The following TMEM135 variants were observed in gnomAD, a reference collection of about 807,000 sequenced individuals.
TMEM135 encodes peroxisomal membrane protein 52.
In TMEM135, 30 loss-of-function variants were observed where a neutral mutation model predicts 60.3. The ratio of observed to expected loss-of-function variants is 0.50; its 90% CI spans 0.37 to 0.68. The LOEUF is 0.68. Ranked by LOEUF, TMEM135 falls within the 30% of genes least tolerant of loss-of-function variation. The pLI is 0.00. For synonymous variants in TMEM135, 190 were observed against 186.7 expected, an observed-to-expected ratio of 1.02 and a Z score of -0.14; for missense variants, 468 against 548.8, an observed-to-expected ratio of 0.85 and a Z score of 1.47.
At position 87,049,423 on chromosome 11, in the gene TMEM135, C is replaced by G. The variant is rs1361652180; in HGVS notation, c.141+11237C>G. Among the ~76,000 whole-genome samples, 2 of 88,644 alleles carry G rather than the reference C, an allele frequency of 2.3e-5. 1 individual carries two copies. Among genetic ancestry groups the G allele is most frequent in the African/African-American group, 1.2e-4 (2 of 17,164 alleles). The allele number at this position is 88,644 out of a possible 152,430, so 58.2% of individuals were successfully genotyped here. A position where few individuals can be genotyped will look rare whatever the true frequency, so the allele number is the denominator to read the frequency against. On this transcript the variant is annotated intron_variant, in intron 1 of 14. Coordinates refer to ENST00000305494, the MANE Select transcript of TMEM135 (RefSeq NM_022918.4). ...AGTGTGCTGTATTCAGGAAACCCAT[C>G]TCACATGCAGAGACACACATAGGCT...
chr11:87,292,803 C>T (rs1942289755), intron 6 of TMEM135, among the ~76,000 whole-genome samples: 1 of 152,208 alleles, frequency 6.6e-6, no homozygotes, highest in Non-Finnish European at 1.5e-5. Flanking sequence ...GTGCTTCCCA[C>T]AGAGTTCTGC....
chr11:87,259,277 C>A, intron 6 of TMEM135: 2 of 378,780 alleles, frequency 5.3e-6, no homozygotes, highest in African/African-American at 2.1e-5. Context: ...TAGGGGACAC[C>A]AGAAGTGGAA....
intron 4 of TMEM135, among the ~76,000 whole-genome samples, chr11:87,123,634 T>C (rs1428688753): frequency 6.6e-6 from 1 of 152,186 alleles, no homozygotes; most frequent in Non-Finnish European, 1.5e-5. Flanking sequence ...AAAATAATTG[T>C]TATTTTGTGG....
chr11:87,195,398 T>C (rs1939929459), intron 5 of TMEM135, among the ~76,000 whole-genome samples: 1 of 135,486 alleles, frequency 7.4e-6, no homozygotes, highest in Non-Finnish European at 1.6e-5. Flanking sequence ...TCCTTCTCTC[T>C]CTCTCTCTCT....
rs141575473 is a variant in TMEM135, at chr11:87,099,594, G to A, written c.396+8199G>A. The stretch of plus-strand genomic sequence containing the variant: ...GAACAAAGCTGCTATAAATATTCAT[G>A]TACAGATTTTCATGTTTTTATTGGT... On this transcript the variant is annotated intron_variant, in intron 4 of 14. Transcript: ENST00000305494. Among the ~76,000 whole-genome samples the A allele has an allele frequency of 4.9e-4, 73 of 150,358 alleles. No individual in the cohort carries two copies. The East Asian group carries it at 0.014, about 28-fold the overall frequency.
chr11:87,125,484 TA>T (rs1192126003), intron 4 of TMEM135, among the ~76,000 whole-genome samples: 1 of 152,196 alleles, frequency 6.6e-6, no homozygotes, highest in African/African-American at 2.4e-5. Flanking sequence ...GTGTAATGAA[TA>T]ATAAGTAAAC....
At chr11:87,038,247 A>T in intron 1 of TMEM135, 61 bp downstream of exon 1, 1 of 1,453,368 alleles carries the variant, frequency 6.9e-7, no homozygotes, top group Non-Finnish European at 9.2e-7. Context: ...CGGGGGCTGC[A>T]GTTGGTGCTC....
chr11:87,232,485 A>G (rs1455959832), intron 5 of TMEM135, among the ~76,000 whole-genome samples: 1 of 151,096 alleles, frequency 6.6e-6, no homozygotes, highest in South Asian at 2.1e-4. Flanking sequence ...GGCACATCAT[A>G]ACAAATTGTG....
At chr11:87,115,957 TA>T (rs1857868089) in intron 4 of TMEM135, among the ~76,000 whole-genome samples, 1 of 152,080 alleles carries the variant, frequency 6.6e-6, no homozygotes, top group African/African-American at 2.4e-5. Flanking sequence ...TGAAATAAAT[TA>T]AAAATATTAA....
chr11:87,042,090 G>GGGAC (rs1949754736), intron 1 of TMEM135, among the ~76,000 whole-genome samples: 1 of 152,246 alleles, frequency 6.6e-6, no homozygotes, highest in Non-Finnish European at 1.5e-5. Flanking sequence ...TTTATTTAAC[G>GGGAC]TGTATACACG....
intron 6 of TMEM135, among the ~76,000 whole-genome samples, chr11:87,239,031 TG>T (rs1221230220): frequency 3.3e-5 from 5 of 152,020 alleles, no homozygotes. Context: ...ATTTATAGCA[TG>T]GGTCTAGGAA....
At chr11:87,055,159 G>T (rs1949881763) in intron 1 of TMEM135, among the ~76,000 whole-genome samples, 1 of 152,164 alleles carries the variant, frequency 6.6e-6, no homozygotes, top group Non-Finnish European at 1.5e-5. Context: ...GGTTTGGGAA[G>T]CCTTTCCTAA....
At chr11:87,148,101 C>T (rs1043867492) in intron 4 of TMEM135, among the ~76,000 whole-genome samples, 1 of 152,164 alleles carries the variant, frequency 6.6e-6, no homozygotes, top group African/African-American at 2.4e-5. Context: ...TTATTTCCCT[C>T]TGTCACTGAC....
chr11:87,047,666 A>T (rs377495339), intron 1 of TMEM135, among the ~76,000 whole-genome samples: 13 of 120,922 alleles, frequency 1.1e-4, no homozygotes, highest in Non-Finnish European at 2.0e-4. Flanking sequence ...AGGGTCCTAC[A>T]CCCACGGAAT....
At chr11:87,317,736 C>A (rs1183396509) in intron 12 of TMEM135, among the ~76,000 whole-genome samples, 1 of 152,106 alleles carries the variant, frequency 6.6e-6, no homozygotes, top group Non-Finnish European at 1.5e-5. Flanking sequence ...GAGTTCTCAT[C>A]CTATTTATAT....
At chr11:87,256,251 C>A (rs969885799) in intron 6 of TMEM135, among the ~76,000 whole-genome samples, 3 of 152,100 alleles carry the variant, frequency 2.0e-5, no homozygotes, top group African/African-American at 7.2e-5. Flanking sequence ...AACTTACATA[C>A]CTTTATACCT....
At chr11:87,095,446 C>A in intron 4 of TMEM135, 1 of 205,298 alleles carries the variant, frequency 4.9e-6, no homozygotes, top group East Asian at 1.1e-4. Flanking sequence ...GTTAAGTGGG[C>A]ATAGTTTGGC....
Position 87,302,284 on chromosome 11 carries a change from T to C in TMEM135, c.552-12T>C. ...AAGTGAAAAATGCCTCACATTGTGC[T>C]CTTTTCTTTAGGTTCATTGTAGGGA... On this transcript the variant is annotated splice_polypyrimidine_tract_variant and intron_variant, in intron 7 of 14. Coordinates refer to ENST00000305494, the MANE Select transcript of TMEM135 (RefSeq NM_022918.4). 1 of 1,613,574 alleles carries C rather than the reference T, an allele frequency of 6.2e-7. No homozygotes were observed.
intron 4 of TMEM135, among the ~76,000 whole-genome samples, chr11:87,147,433 T>C (rs928631174): frequency 6.6e-6 from 1 of 152,220 alleles, no homozygotes; most frequent in African/African-American, 2.4e-5. Context: ...ACTCCTGGAC[T>C]CAAAGGATCC....
Sources: allele counts gnomAD v4.1 joint callset (sites outside exome capture counted in the v4.1 genomes callset), GRCh38; gene constraint gnomAD v4.1.1; transcripts MANE v1.5; gene names NCBI Gene and HGNC (gene_info 2026-07-23, HGNC 2026-07-21).